Variants in TUBA4B observed in about 807,000 individuals in gnomAD.
TUBA4B encodes the protein tubulin alpha 4b.
Under a neutral mutation model 18.4 loss-of-function variants are expected in TUBA4B, and 13 were observed. The ratio of observed to expected loss-of-function variants is 0.71; its 90% CI spans 0.46 to 1.12. The LOEUF (loss-of-function observed/expected upper bound fraction) is 1.12, where lower values mean the gene tolerates loss of function less well. Among genes scored for constraint, TUBA4B ranks in the 50% most tolerant of loss-of-function variants. The pLI, the probability that TUBA4B is intolerant of heterozygous loss-of-function variation, is 0.00. For synonymous variants in TUBA4B, 101 were observed against 99.1 expected, an observed-to-expected ratio of 1.02 and a Z score of -0.11; for missense variants, 244 against 250.0, an observed-to-expected ratio of 0.98 and a Z score of 0.16.
intron 1 of TUBA4B, among the ~76,000 whole-genome samples, chr2:219,265,900 A>G (rs1197990439): frequency 6.6e-6 from 1 of 152,214 alleles, no homozygotes; most frequent in Non-Finnish European, 1.5e-5. Flanking sequence ...GTACCTCGTA[A>G]TACTACCTCT....
At chr2:219,254,743 CTT>C (rs1398753662) in intron 1 of TUBA4B, 1 of 152,308 alleles carries the variant, frequency 6.6e-6, no homozygotes, top group Non-Finnish European at 1.5e-5. Flanking sequence ...GAGCAAGTGA[CTT>C]AACCTCACTG....
intron 1 of TUBA4B, among the ~76,000 whole-genome samples, chr2:219,257,042 G>GTTTT (rs1559279114): frequency 5.0e-3 from 162 of 32,678 alleles, no homozygotes; most frequent in African/African-American, 0.013. Flanking sequence ...ACCCATTTTG[G>GTTTT]CTTTTTTTTT....
At position 219,266,585 on chromosome 2, in the gene TUBA4B, G is replaced by A; in HGVS notation, c.58+19G>A. ...CAGCATGGTGAGTAGAAGGGGCCTTGGGGGGACTGAGCATGCAAGTGAGGG... is the reference window on the plus strand; with the variant it reads ...CAGCATGGTGAGTAGAAGGGGCCTTAGGGGGACTGAGCATGCAAGTGAGGG... On this transcript the variant is annotated intron_variant, in intron 2 of 3. Transcript: ENST00000490341. 2 of 702,760 alleles carry A rather than the reference G, an allele frequency of 2.8e-6. No homozygotes were observed. Among genetic ancestry groups the A allele is most frequent in the Middle Eastern group, 2.3e-4 (1 of 4,366 alleles). 43.5% of individuals were successfully genotyped at this position (702,760 alleles called of 1,614,324 possible).
intron 3 of TUBA4B, among the ~76,000 whole-genome samples, chr2:219,270,737 G>A (rs928938108): frequency 7.2e-6 from 1 of 139,548 alleles, no homozygotes; most frequent in African/African-American, 3.2e-5. Context: ...CTTCTACGAA[G>A]GATGGGGATG....
Position 219,271,183 on chromosome 2 carries a change from A to G in TUBA4B, c.210A>G (p.Gly70=), listed in dbSNP as rs1951822377. The G allele has an allele frequency of 3.0e-6, 3 of 995,048 alleles. No homozygotes were observed. The highest frequency in any genetic ancestry group is 1.6e-5 in the African/African-American group (1 of 63,244). The allele number at this position is 995,048 out of a possible 1,614,324, so 61.6% of individuals were successfully genotyped here. The change falls in exon 4 of 4, where the codon GGA becomes GGG. Residue 70 remains glycine (G), a synonymous_variant. Coordinates refer to ENST00000490341, the MANE Select transcript of TUBA4B (RefSeq NM_001355221.1). ...RIRKLADQCT[G]LQGFLVFHSL... ...CTGTCTAGGCTGACCAGTGCACAGG[A>G]CTTCAGGGCTTCCTGGTGTTCCACA... is the stretch of plus-strand genomic sequence containing the variant.
intron 1 of TUBA4B, among the ~76,000 whole-genome samples, chr2:219,262,896 C>T (rs1472266636): frequency 1.3e-5 from 2 of 151,952 alleles, no homozygotes; most frequent in African/African-American, 2.4e-5. Context: ...CAAAAATTAG[C>T]CAGGCATGGT....
At chr2:219,270,410 T>C (rs1951818479) in intron 3 of TUBA4B, 75 bp downstream of exon 3, 5 of 687,202 alleles carry the variant, frequency 7.3e-6, no homozygotes, top group South Asian at 3.1e-5. Context: ...GGACACCAGA[T>C]TGGGGAAGGA....
chr2:219,253,246 T>A lies in TUBA4B; in HGVS notation c.-162T>A. The A allele has an allele frequency of 6.7e-7, 1 of 1,494,676 alleles. No homozygotes were observed. Among genetic ancestry groups the A allele is most frequent in the Non-Finnish European group, 8.9e-7 (1 of 1,120,602 alleles). The allele number at this position is 1,494,676 out of a possible 1,614,324, so 92.6% of individuals were successfully genotyped here. A position where few individuals can be genotyped will look rare whatever the true frequency, so the allele number is the denominator to read the frequency against. On this transcript the variant is annotated 5_prime_UTR_variant, in exon 1 of 4. Coordinates refer to ENST00000490341, the MANE Select transcript of TUBA4B (RefSeq NM_001355221.1). Reference sequence around the variant, plus strand: ...CGCGCAGTGCTCAGCGCCAGCTGTCTCTGCCCATCCGCGCACCCGGGCTTC... The same window carrying A: ...CGCGCAGTGCTCAGCGCCAGCTGTCACTGCCCATCCGCGCACCCGGGCTTC...
At position 219,268,358 on chromosome 2, in the gene TUBA4B, G is replaced by T. The variant is rs574699012; in HGVS notation, c.58+1792G>T. Among the ~76,000 whole-genome samples, 26 of 152,238 alleles carry T rather than the reference G, an allele frequency of 1.7e-4. 1 individual carries two copies. The South Asian group carries it at 5.2e-3, about 30-fold the overall frequency. On this transcript the variant is annotated intron_variant, in intron 2 of 3. Transcript: ENST00000490341. Reference sequence around the variant, plus strand: ...GATCCACCTGCCTTGGCCTCCCAAAGTGCTGGGATTACAGGCTTGAGCCAC... The same window carrying T: ...GATCCACCTGCCTTGGCCTCCCAAATTGCTGGGATTACAGGCTTGAGCCAC...
intron 1 of TUBA4B, chr2:219,253,811 G>A (rs1480001030): frequency 2.0e-6 from 3 of 1,530,668 alleles, no homozygotes; most frequent in Non-Finnish European, 1.8e-6. Context: ...CCAAAGGAGA[G>A]GGGCAATTAG....
In TUBA4B at chr2:219,270,220, TC is replaced by T; in HGVS notation, c.79del (p.His27IlefsTer66). On this transcript the variant is annotated frameshift_variant, in exon 3 of 4. Transcript: ENST00000490341. LOFTEE classifies it high-confidence loss of function. ...SRQHGTYRQI[F>X]HPEQLITGKE... Reference sequence around the variant, plus strand: ...TGAACAGGCACATACCGCCAGATCTTCCATCCAGAGCAGCTCATCACAGGCA... The same window carrying T: ...TGAACAGGCACATACCGCCAGATCTTCATCCAGAGCAGCTCATCACAGGCA... The T allele has an allele frequency of 1.3e-6, 1 of 761,348 alleles. No homozygotes were observed. Among genetic ancestry groups the T allele is most frequent in the Non-Finnish European group, 2.4e-6 (1 of 410,636 alleles). The allele number at this position is 761,348 out of a possible 1,614,324, so 47.2% of individuals were successfully genotyped here. A position where few individuals can be genotyped will look rare whatever the true frequency, so the allele number is the denominator to read the frequency against.
intron 1 of TUBA4B, chr2:219,253,910 G>C (rs1168500357): frequency 7.2e-7 from 1 of 1,397,184 alleles, no homozygotes; most frequent in Non-Finnish European, 9.3e-7. Context: ...AGGTCTCAGT[G>C]AGAACTGCGC....
rs1348850776 is a variant in TUBA4B at position 219,271,236 on chromosome 2, T to G, written c.263T>G (p.Val88Gly). 1 of 1,282,158 alleles carries G rather than the reference T, an allele frequency of 7.8e-7. No individual in the cohort carries two copies. The highest frequency in any genetic ancestry group is 1.1e-6 in the Non-Finnish European group (1 of 877,660). 79.4% of individuals were successfully genotyped at this position (1,282,158 alleles called of 1,614,324 possible). The change falls in exon 4 of 4, where the codon GTC becomes GGC. Residue 88 changes from valine (V) to glycine (G), a missense_variant. Transcript: ENST00000490341. ...HSLGRGTGSD[V>G]TSFLMEWLSV... is the part of the protein sequence containing the mutation. ...CTTGGTCGGGGCACTGGCTCTGACG[T>G]CACCTCATTCCTGATGGAGTGGCTT...
In TUBA4B at chr2:219,272,174, A is replaced by C; in HGVS notation, c.*475A>C. Reference sequence around the variant, plus strand: ...GAATACTGTGTGTCTGTCCTACATAAAGTGCTGTGGCCTTATTGTCTCACG... The same window carrying C: ...GAATACTGTGTGTCTGTCCTACATACAGTGCTGTGGCCTTATTGTCTCACG... On this transcript the variant is annotated 3_prime_UTR_variant, in exon 4 of 4. Coordinates refer to ENST00000490341, the MANE Select transcript of TUBA4B (RefSeq NM_001355221.1). 1 of 524,112 alleles carries C rather than the reference A, an allele frequency of 1.9e-6. No individual in the cohort carries two copies. The highest frequency in any genetic ancestry group is 3.5e-6 in the Non-Finnish European group (1 of 284,244). 32.5% of individuals were successfully genotyped at this position (524,112 alleles called of 1,614,324 possible).
At chr2:219,253,492 G>GT (rs1951683263) in intron 1 of TUBA4B, 73 bp downstream of exon 1, 15 of 1,247,934 alleles carry the variant, frequency 1.2e-5, no homozygotes, top group Non-Finnish European at 1.6e-5. Context: ...GACTGGGGAT[G>GT]TAAGAGGGCA....
rs138445975 is a variant in TUBA4B at position 219,260,826 on chromosome 2, A to T, written c.13-5695A>T. Reference sequence around the variant, plus strand: ...CGTCTCTACTAAAAATACAAAAATTAGCTGGGCTTGGTGGCGGGCACCTGT... The same window carrying T: ...CGTCTCTACTAAAAATACAAAAATTTGCTGGGCTTGGTGGCGGGCACCTGT... On this transcript the variant is annotated intron_variant, in intron 1 of 3. Coordinates refer to ENST00000490341, the MANE Select transcript of TUBA4B (RefSeq NM_001355221.1). Among the ~76,000 whole-genome samples the T allele has an allele frequency of 2.3e-3, 344 of 152,242 alleles. 1 individual carries two copies. The highest frequency in any genetic ancestry group is 7.3e-3 in the African/African-American group (305 of 41,522).
chr2:219,253,272 G>A lies in TUBA4B; in HGVS notation c.-136G>A. On this transcript the variant is annotated 5_prime_UTR_variant, in exon 1 of 4. Coordinates refer to ENST00000490341, the MANE Select transcript of TUBA4B (RefSeq NM_001355221.1). The stretch of plus-strand genomic sequence containing the variant: ...CTGCCCATCCGCGCACCCGGGCTTC[G>A]GCTGGAGAGGGCCAGCTCGCTTCAG... 1 of 1,494,474 alleles carries A rather than the reference G, an allele frequency of 6.7e-7. No homozygotes were observed. Among genetic ancestry groups the A allele is most frequent in the South Asian group, 1.3e-5 (1 of 77,210 alleles). 92.6% of individuals were successfully genotyped at this position (1,494,474 alleles called of 1,614,324 possible). A position where few individuals can be genotyped will look rare whatever the true frequency, so the allele number is the denominator to read the frequency against.
rs1426780603 is a variant in TUBA4B at position 219,266,580 on chromosome 2, G to A, written c.58+14G>A. ...CCAGGCAGCATGGTGAGTAGAAGGGGCCTTGGGGGGACTGAGCATGCAAGT... is the reference window on the plus strand; with the variant it reads ...CCAGGCAGCATGGTGAGTAGAAGGGACCTTGGGGGGACTGAGCATGCAAGT... On this transcript the variant is annotated intron_variant, in intron 2 of 3. Transcript: ENST00000490341. 2 of 702,842 alleles carry A rather than the reference G, an allele frequency of 2.8e-6. No homozygotes were observed. Among genetic ancestry groups the A allele is most frequent in the Admixed American group, 4.0e-5 (2 of 49,968 alleles). 43.5% of individuals were successfully genotyped at this position (702,842 alleles called of 1,614,324 possible). A position where few individuals can be genotyped will look rare whatever the true frequency, so the allele number is the denominator to read the frequency against.
chr2:219,259,195 C>G (rs1207497591), intron 1 of TUBA4B, among the ~76,000 whole-genome samples: 1 of 150,468 alleles, frequency 6.6e-6, no homozygotes, highest in African/African-American at 2.4e-5. Flanking sequence ...TGGCAGGCAC[C>G]TGAAATCCCA....
Sources: allele counts gnomAD v4.1 joint callset (sites outside exome capture counted in the v4.1 genomes callset), GRCh38; gene constraint gnomAD v4.1.1; transcripts MANE v1.5; gene names NCBI Gene and HGNC (gene_info 2026-07-23, HGNC 2026-07-21).